Variants in UBR4 observed in about 807,000 individuals in gnomAD.
UBR4 encodes the protein ubiquitin protein ligase E3 component n-recognin 4, also known as E3 ubiquitin-protein ligase UBR4.
In UBR4, 124 loss-of-function variants were observed where a neutral mutation model predicts 575.6. The observed-to-expected ratio is 0.22, with a 90% CI of 0.19 to 0.25. The LOEUF (loss-of-function observed/expected upper bound fraction) is 0.25. UBR4 is among the 10% of genes least tolerant of loss of function. The pLI is 1.00. For missense variants in UBR4, 4,818 were observed against 6,478.8 expected, an observed-to-expected ratio of 0.74 and a Z score of 8.80; for synonymous variants, 2,455 against 2,473.7, an observed-to-expected ratio of 0.99 and a Z score of 0.22.
At chr1:19,200,679 C>A (rs1202571043) in intron 2 of UBR4, among the ~76,000 whole-genome samples, 1 of 152,096 alleles carries the variant, frequency 6.6e-6, no homozygotes, top group East Asian at 1.9e-4. Context: ...AATAAAATGA[C>A]TTCCTTACAT....
rs148941537 is a variant in UBR4, at chr1:19,120,275, C to T, written c.10215G>A (p.Lys3405=). Residue 3405 remains lysine, a synonymous_variant, in exon 69 of 106, where the codon AAG becomes AAA. Transcript: ENST00000375254. The part of the protein sequence containing the change: ...LVNQLNKFAD[K]ETLIQFLRCF... ...AACGCAGGAACTGGATCAGGGTTTCCTTATCGGCAAATTTGTTCAGCTGGT... is the reference window on the plus strand; with the variant it reads ...AACGCAGGAACTGGATCAGGGTTTCTTTATCGGCAAATTTGTTCAGCTGGT... 2,576 of 1,614,090 alleles carry T rather than the reference C, an allele frequency of 1.6e-3. 3 individuals are homozygous for T. The highest frequency in any genetic ancestry group is 2.7e-3 in the South Asian group (247 of 91,074).
At chr1:19,081,257 T>C (rs76360546) in intron 103 of UBR4, 92 bp downstream of exon 103, 29,431 of 1,128,772 alleles carry the variant, frequency 0.026, 488 homozygotes, top group South Asian at 0.052. Flanking sequence ...TCACAAAGCA[T>C]GCCTTCACCT....
At position 19,172,846 on chromosome 1, in the gene UBR4, G is replaced by A. The variant is rs376704859; in HGVS notation, c.3521+18C>T. On this transcript the variant is annotated intron_variant, in intron 25 of 105. Transcript: ENST00000375254. ...GTGAAGAGTGCATGTGCATCTCTGG[G>A]CAGGCAGTTCGCCACACCTGGTGAA... The A allele has an allele frequency of 3.7e-6, 6 of 1,611,608 alleles. No homozygotes were observed. Among genetic ancestry groups the A allele is most frequent in the Admixed American group, 3.3e-5 (2 of 60,016 alleles).
intron 29 of UBR4, among the ~76,000 whole-genome samples, chr1:19,166,716 A>G (rs1314986997): frequency 1.1e-3 from 2 of 1,782 alleles, no homozygotes; most frequent in East Asian, 0.045. Flanking sequence ...ATCTCTACCA[A>G]AAAAAAAAAA....
chr1:19,165,543 C>A, intron 30 of UBR4, 113 bp downstream of exon 30: 1 of 1,226,090 alleles, frequency 8.2e-7, no homozygotes, highest in South Asian at 1.4e-5. Context: ...GTGCAGACAC[C>A]TAACCAGGCC....
chr1:19,080,738 G>C (rs1306158349), intron 103 of UBR4: 1 of 152,554 alleles, frequency 6.6e-6, no homozygotes, highest in Non-Finnish European at 1.5e-5. Flanking sequence ...GGTCCTCAAA[G>C]AGATGCTGTG....
chr1:19,077,791 G>A lies in UBR4; in HGVS notation c.15324+185C>T, dbSNP rs572329130. The A allele has an allele frequency of 1.7e-5, 26 of 1,528,440 alleles. No individual in the cohort carries two copies. In the South Asian group the frequency reaches 1.9e-4, roughly 11 times the overall value. 94.7% of individuals were successfully genotyped at this position (1,528,440 alleles called of 1,614,324 possible). A position where few individuals can be genotyped will look rare whatever the true frequency, so the allele number is the denominator to read the frequency against. On this transcript the variant is annotated intron_variant, in intron 104 of 105. Coordinates refer to ENST00000375254, the MANE Select transcript of UBR4 (RefSeq NM_020765.3). ...CCAAACAAAACAAATGTACCTCACA[G>A]ACACAAGGCTCCAGGCTGCCAGTGT...
chr1:19,091,585 A>T (rs2077516345), intron 97 of UBR4, among the ~76,000 whole-genome samples: 1 of 152,234 alleles, frequency 6.6e-6, no homozygotes. Flanking sequence ...CAACATCATG[A>T]ACCACTAGGA....
At position 19,173,192 on chromosome 1, in the gene UBR4, A is replaced by G. The variant is rs2089824732; in HGVS notation, c.3280T>C (p.Phe1094Leu). Residue 1094 changes from phenylalanine (F) to leucine (L), a missense_variant, in exon 24 of 106, where the codon TTC becomes CTC. Physicochemically the swap from Phe to Leu is conservative, Grantham distance 22. Coordinates refer to ENST00000375254, the MANE Select transcript of UBR4 (RefSeq NM_020765.3). ...CCAATATTACATACCTGTCGAGCGA[A>G]GTATTCCTCTACTATTTCAACATCA... ...KYDVEIVEEY[F>L]ARQISSFCSI... 1 of 1,614,118 alleles carries G rather than the reference A, an allele frequency of 6.2e-7. No homozygotes were observed. Among genetic ancestry groups the G allele is most frequent in the Non-Finnish European group, 8.5e-7 (1 of 1,180,042 alleles).
rs2079669103 is a variant in UBR4, at chr1:19,110,042, T to G, written c.12105+54A>C. Reference sequence around the variant, plus strand: ...GGAGGCAGGGCACACTGCCAGGGAATGAGGAGGGTGGCCGCCCTGCCCTTC... The same window carrying G: ...GGAGGCAGGGCACACTGCCAGGGAAGGAGGAGGGTGGCCGCCCTGCCCTTC... On this transcript the variant is annotated intron_variant, in intron 81 of 105. Coordinates refer to ENST00000375254, the MANE Select transcript of UBR4 (RefSeq NM_020765.3). The surrounding 1 kb of genome is among the most constrained non-coding windows in gnomAD (Gnocchi z 4.5). 12 of 1,609,682 alleles carry G rather than the reference T, an allele frequency of 7.5e-6. No homozygotes were observed. Among genetic ancestry groups the G allele is most frequent in the Non-Finnish European group, 9.3e-6 (11 of 1,178,236 alleles).
chr1:19,077,733 C>CA, intron 104 of UBR4: 1 of 1,422,026 alleles, frequency 7.0e-7, no homozygotes, highest in Non-Finnish European at 9.3e-7. Context: ...AACTCCGTCT[C>CA]AAAAAAACCA....
At chr1:19,209,944 C>G in intron 1 of UBR4, 129 bp downstream of exon 1, 1 of 1,340,136 alleles carries the variant, frequency 7.5e-7, no homozygotes, top group Non-Finnish European at 9.6e-7. Flanking sequence ...GGCCCGGGAC[C>G]CCGAAGCCGT....
intron 91 of UBR4, among the ~76,000 whole-genome samples, 184 bp from the exon 92 acceptor site, chr1:19,096,834 G>A (rs1385897768): frequency 6.6e-6 from 1 of 152,088 alleles, no homozygotes; most frequent in Non-Finnish European, 1.5e-5. Context: ...CTCTCAGTAG[G>A]AGCTTTTTTA....
At chr1:19,170,954 G>C (rs1461759319) in intron 25 of UBR4, 71 bp from the exon 26 acceptor site, 7 of 1,606,608 alleles carry the variant, frequency 4.4e-6, no homozygotes, top group African/African-American at 4.0e-5. Context: ...ACTGGCCCTA[G>C]ACTGGCTGAA....
chr1:19,099,489 G>T, intron 90 of UBR4, 108 bp downstream of exon 90: 2 of 974,270 alleles, frequency 2.1e-6, no homozygotes, highest in Non-Finnish European at 1.6e-6. Context: ...GCCTTAGAGA[G>T]CTGCTACAAG....
chr1:19,095,235 G>A (rs1479941096), intron 93 of UBR4, among the ~76,000 whole-genome samples: 1 of 152,234 alleles, frequency 6.6e-6, no homozygotes, highest in Non-Finnish European at 1.5e-5. Context: ...GCCCCAAGGA[G>A]AGGGGCACTT....
chr1:19,193,445 A>T lies in UBR4; in HGVS notation c.1131T>A (p.Ile377=). Residue 377 remains isoleucine (I), a synonymous_variant, in exon 9 of 106, where the codon ATT becomes ATA. Coordinates refer to ENST00000375254, the MANE Select transcript of UBR4 (RefSeq NM_020765.3). ...ATCTTTGGCTTACACATTTCTGGAC[A>T]ATTGTAGCTGCGTCACTTTCATAGT... ...EDDYESDAAT[I]VQKCLEIYDM... The T allele has an allele frequency of 3.1e-6, 5 of 1,614,074 alleles. No homozygotes were observed. Among genetic ancestry groups the T allele is most frequent in the Non-Finnish European group, 4.2e-6 (5 of 1,179,966 alleles).
intron 18 of UBR4, 140 bp from the exon 19 acceptor site, chr1:19,177,883 G>C: frequency 9.2e-7 from 1 of 1,085,774 alleles, no homozygotes; most frequent in Non-Finnish European, 1.3e-6. Context: ...AGGCTACATG[G>C]TAAAGACAAG....
At chr1:19,094,862 C>T in intron 94 of UBR4, 44 bp downstream of exon 94, 1 of 1,608,226 alleles carries the variant, frequency 6.2e-7, no homozygotes, top group Non-Finnish European at 8.5e-7. Context: ...TGAGACAGTG[C>T]AGGCTCTCAG....
Sources: gnomAD v4.1 joint callset for allele counts (sites outside exome capture counted in the v4.1 genomes callset) on GRCh38, gnomAD v4.1.1 for gene constraint, Gnocchi (gnomAD v3.1) non-coding constraint, MANE v1.5 for transcripts, NCBI Gene and HGNC (gene_info 2026-07-23, HGNC 2026-07-21) for gene names.